GLIPR2: variants seen among roughly 807,000 people sequenced by gnomAD.
The protein encoded by GLIPR2 is Golgi-associated plant pathogenesis-related protein 1.
A neutral mutation model predicts 20.4 loss-of-function variants in GLIPR2; 21 were observed. The observed-to-expected ratio is 1.03, with a 90% CI of 0.73 to 1.48. The LOEUF is 1.48. Among genes scored for constraint, GLIPR2 ranks in the 40% most tolerant of loss-of-function variants. The probability of loss-of-function intolerance (pLI) is 0.00; values close to 1 mark genes in which losing one functional copy is unlikely to be tolerated. For synonymous variants in GLIPR2, 91 were observed against 80.5 expected, an observed-to-expected ratio of 1.13 and a Z score of -0.70; for missense variants, 205 against 200.1, an observed-to-expected ratio of 1.02 and a Z score of -0.15.
chr9:36,138,607 G>T (rs7865610), intron 1 of GLIPR2, among the ~76,000 whole-genome samples: 24 of 152,302 alleles, frequency 1.6e-4, no homozygotes, highest in African/African-American at 5.5e-4. Context: ...TCTTCTGTCT[G>T]TTCGCCCCTT....
In GLIPR2 at chr9:36,154,108, C is replaced by CA. The variant is rs112491188; in HGVS notation, c.304+3159_304+3160insA. Among the ~76,000 whole-genome samples the CA allele has an allele frequency of 4.2e-5, 6 of 144,454 alleles. 1 individual carries two copies. The highest frequency in any genetic ancestry group is 7.0e-5 in the Admixed American group (1 of 14,288). The allele number at this position is 144,454 out of a possible 152,430, so 94.8% of individuals were successfully genotyped here. A position where few individuals can be genotyped will look rare whatever the true frequency, so the allele number is the denominator to read the frequency against. On this transcript the variant is annotated intron_variant, in intron 4 of 4. Coordinates refer to ENST00000377960, the MANE Select transcript of GLIPR2 (RefSeq NM_022343.4). ...TTATATATATATATCTTTTCCCCCC[C>CA]CCTTTGAGACCGAGTCTCACTCCGT... is the stretch of plus-strand genomic sequence containing the variant.
intron 4 of GLIPR2, among the ~76,000 whole-genome samples, chr9:36,151,751 G>A (rs1825597555): frequency 6.6e-6 from 1 of 152,146 alleles, no homozygotes; most frequent in Non-Finnish European, 1.5e-5. Context: ...GGGTCCCTCT[G>A]GGCAGCCGCC....
In GLIPR2 at chr9:36,161,953, G is replaced by A. The variant is rs1208437783; in HGVS notation, c.305-409G>A. Among the ~76,000 whole-genome samples, 3 of 152,208 alleles carry A rather than the reference G, an allele frequency of 2.0e-5. No individual in the cohort carries two copies. The East Asian group carries it at 5.8e-4, about 29-fold the overall frequency. ...TGTAATCCCAGCACTGGGAGACTGA[G>A]GCAGGTGGATCGCCTGAGGTCAGGA... On this transcript the variant is annotated intron_variant, in intron 4 of 4. Transcript: ENST00000377960.
In GLIPR2 at chr9:36,147,893, C is replaced by G. The variant is rs375046803; in HGVS notation, c.121C>G (p.Gln41Glu). Reference protein sequence around the residue: ...LCKNLNREAQQYSEALASTRI... With the variant: ...LCKNLNREAQEYSEALASTRI... ...CAAGAACCTCAACCGGGAGGCTCAACAGTGAGTCCCCTAGCACATCCGGGT... is the reference window on the plus strand; with the variant it reads ...CAAGAACCTCAACCGGGAGGCTCAAGAGTGAGTCCCCTAGCACATCCGGGT... The change falls in exon 2 of 5, where the codon CAG (glutamine) becomes GAG (glutamate). Residue 41 changes from glutamine (Q) to glutamate (E), a missense_variant and splice_region_variant. Transcript: ENST00000377960. 6.5e-6 allele frequency: 9 copies of G among 1,387,484 alleles called. No individual in the cohort carries two copies. Among genetic ancestry groups the G allele is most frequent in the Non-Finnish European group, 9.2e-6 (9 of 973,620 alleles). The allele number at this position is 1,387,484 out of a possible 1,614,324, so 85.9% of individuals were successfully genotyped here.
intron 4 of GLIPR2, among the ~76,000 whole-genome samples, chr9:36,157,323 C>T (rs1825876221): frequency 6.6e-6 from 1 of 151,028 alleles, no homozygotes; most frequent in Admixed American, 6.6e-5. Flanking sequence ...CCACCACACC[C>T]AGTCTCTTTT....
At position 36,145,909 on chromosome 9, in the gene GLIPR2, G is replaced by A. The variant is rs558998679; in HGVS notation, c.14-1877G>A. The stretch of plus-strand genomic sequence containing the variant: ...CCTACTTATTCTCTCCCTAACCACA[G>A]CCTCCTTGACTTTGCCCTTTCTGAG... On this transcript the variant is annotated intron_variant, in intron 1 of 4. Coordinates refer to ENST00000377960, the MANE Select transcript of GLIPR2 (RefSeq NM_022343.4). 1.5e-3 allele frequency among the ~76,000 whole-genome samples: 233 copies of A among 152,230 alleles called. 2 individuals carry two copies. Among genetic ancestry groups the A allele is most frequent in the African/African-American group, 5.3e-3 (219 of 41,530 alleles).
chr9:36,163,852 T>C lies in GLIPR2; in HGVS notation c.*1330T>C, dbSNP rs1826171284. The stretch of plus-strand genomic sequence containing the variant: ...TGTCACCAGTCTCAAGCTATGCCTC[T>C]AATTTCACCAGGGATATTGACTAAG... On this transcript the variant is annotated 3_prime_UTR_variant, in exon 5 of 5. Transcript: ENST00000377960. The C allele has an allele frequency of 6.5e-6, 1 of 152,718 alleles. No homozygotes were observed. The highest frequency in any genetic ancestry group is 2.4e-5 in the African/African-American group (1 of 41,476). 9.5% of individuals were successfully genotyped at this position (152,718 alleles called of 1,614,324 possible).
chr9:36,146,340 T>G (rs762274025), intron 1 of GLIPR2: 2 of 152,194 alleles, frequency 1.3e-5, no homozygotes, highest in Non-Finnish European at 2.9e-5. Flanking sequence ...ACATTGACAA[T>G]TAAATTTTAG....
chr9:36,148,376 A>G (rs2132739036), intron 2 of GLIPR2, among the ~76,000 whole-genome samples, 171 bp from the exon 3 acceptor site: 2 of 152,246 alleles, frequency 1.3e-5, no homozygotes, highest in Admixed American at 1.3e-4. Flanking sequence ...CTGAGCCTCG[A>G]CTTGTTCCTC....
intron 4 of GLIPR2, among the ~76,000 whole-genome samples, chr9:36,153,770 G>A (rs1371499682): frequency 6.6e-6 from 1 of 151,906 alleles, no homozygotes; most frequent in African/African-American, 2.4e-5. Context: ...GTGTGGTGAT[G>A]CGTGCCTGTA....
rs184330540 is a variant in GLIPR2 at position 36,162,731 on chromosome 9, G to A, written c.*209G>A. 41 of 611,298 alleles carry A rather than the reference G, an allele frequency of 6.7e-5. No homozygotes were observed. Among genetic ancestry groups the A allele is most frequent in the Middle Eastern group, 4.3e-4 (1 of 2,314 alleles). The allele number at this position is 611,298 out of a possible 1,614,324, so 37.9% of individuals were successfully genotyped here. ...AGTGAGCAAAGGAAGCATTTACCCC[G>A]ATGGTTACCTAGACCACGATTATTT... On this transcript the variant is annotated 3_prime_UTR_variant, in exon 5 of 5. Transcript: ENST00000377960.
chr9:36,141,796 G>A (rs1461031086), intron 1 of GLIPR2: 2 of 454,770 alleles, frequency 4.4e-6, no homozygotes, highest in Non-Finnish European at 8.8e-6. Flanking sequence ...TGGGACCACA[G>A]GCGTGGGTCA....
intron 1 of GLIPR2, among the ~76,000 whole-genome samples, chr9:36,143,422 G>A (rs1285389769): frequency 6.6e-6 from 1 of 152,162 alleles, no homozygotes; most frequent in Non-Finnish European, 1.5e-5. Context: ...TCAGCCTCAT[G>A]CATCTCCCGT....
chr9:36,158,372 TG>T (rs1825926080), intron 4 of GLIPR2, among the ~76,000 whole-genome samples: 1 of 152,184 alleles, frequency 6.6e-6, no homozygotes, highest in Admixed American at 6.5e-5. Flanking sequence ...CTATTATTTT[TG>T]TTTCTGTTTT....
intron 4 of GLIPR2, among the ~76,000 whole-genome samples, chr9:36,151,463 G>A (rs572412704): frequency 1.3e-5 from 2 of 152,188 alleles, no homozygotes; most frequent in South Asian, 2.1e-4. Context: ...CCACCCTTGC[G>A]GCCTCCCTGG....
chr9:36,141,315 A>G (rs992083568), intron 1 of GLIPR2, among the ~76,000 whole-genome samples: 1 of 152,104 alleles, frequency 6.6e-6, no homozygotes, highest in Non-Finnish European at 1.5e-5. Context: ...TCCGGCTTAA[A>G]GAGCAGGAGT....
intron 4 of GLIPR2, among the ~76,000 whole-genome samples, chr9:36,154,435 CT>C (rs1825741194): frequency 6.6e-6 from 1 of 152,106 alleles, no homozygotes; most frequent in Admixed American, 6.6e-5. Context: ...AGCGTATGAC[CT>C]GTTTTATGCT....
chr9:36,162,234 G>C, intron 4 of GLIPR2, 128 bp from the exon 5 acceptor site: 1 of 1,587,898 alleles, frequency 6.3e-7, no homozygotes, highest in Admixed American at 1.8e-5. Context: ...CCCTGCAGGG[G>C]GTCTGTGAAG....
chr9:36,162,571 A>G lies in GLIPR2; in HGVS notation c.*49A>G, dbSNP rs890609632. On this transcript the variant is annotated 3_prime_UTR_variant, in exon 5 of 5. Transcript: ENST00000377960. ...GGCAGACTTAAGAACGTGGATATGA[A>G]GTGCCTAGAACCACCACAACCTGGC... is the stretch of plus-strand genomic sequence containing the variant. 10 of 1,586,856 alleles carry G rather than the reference A, an allele frequency of 6.3e-6. No individual in the cohort carries two copies. In the South Asian group the frequency reaches 6.7e-5, roughly 11 times the overall value.
Sources: gnomAD v4.1 joint callset for allele counts (sites outside exome capture counted in the v4.1 genomes callset) on GRCh38, gnomAD v4.1.1 for gene constraint, MANE v1.5 for transcripts, NCBI Gene and HGNC (gene_info 2026-07-23, HGNC 2026-07-21) for gene names.